SPATA6: variants seen among roughly 807,000 people sequenced by gnomAD.
SPATA6 encodes spermatogenesis-associated protein 6.
In SPATA6, 56 loss-of-function variants were observed where a neutral mutation model predicts 65.3. The observed-to-expected ratio is 0.86, with a 90% CI of 0.69 to 1.07. The LOEUF (loss-of-function observed/expected upper bound fraction) is 1.07, where lower values mean the gene tolerates loss of function less well. SPATA6 is among the 50% of genes least tolerant of loss of function. The pLI, the probability that SPATA6 is intolerant of heterozygous loss-of-function variation, is 0.00. For synonymous variants in SPATA6, 199 were observed against 213.2 expected (o/e 0.93, Z 0.58); for missense variants, 590 against 594.8 (o/e 0.99, Z 0.08).
intron 3 of SPATA6, among the ~76,000 whole-genome samples, chr1:48,414,148 C>G (rs935085781): frequency 6.6e-6 from 1 of 152,132 alleles, no homozygotes; most frequent in African/African-American, 2.4e-5. Context: ...AAGCTCAGTG[C>G]GGACAAGTGT....
At chr1:48,306,749 G>A (rs1645071260) in intron 11 of SPATA6, among the ~76,000 whole-genome samples, 1 of 151,880 alleles carries the variant, frequency 6.6e-6, no homozygotes, top group Non-Finnish European at 1.5e-5. Context: ...TTAAAAATTT[G>A]CTGATGGCAT....
chr1:48,436,852 C>T (rs1654988276), intron 3 of SPATA6: 2 of 1,612,486 alleles, frequency 1.2e-6, no homozygotes, highest in Non-Finnish European at 1.7e-6. Flanking sequence ...TATTTTCCCT[C>T]AATCAGAATC....
chr1:48,263,789 G>C, the SPATA6 span, among the ~76,000 whole-genome samples: 3 of 152,122 alleles, frequency 2.0e-5, no homozygotes, highest in African/African-American at 7.2e-5. Context: ...AAACTACGTT[G>C]AAAGTTCTGT....
At chr1:48,325,376 C>T (rs1645726394) in intron 11 of SPATA6, 2 of 1,381,412 alleles carry the variant, frequency 1.4e-6, no homozygotes, top group Non-Finnish European at 2.1e-6. Flanking sequence ...TGCGCCTTCT[C>T]CCTGATTCCT....
In SPATA6 at chr1:48,425,473, G is replaced by T. The variant is rs530469605; in HGVS notation, c.239-12322C>A. Among the ~76,000 whole-genome samples, 22 of 152,272 alleles carry T rather than the reference G, an allele frequency of 1.4e-4. No individual in the cohort carries two copies. The South Asian group carries it at 4.6e-3, about 32-fold the overall frequency. ...TGTATTCATAAGAGGAGTGTAGTTTGCTTTAGACACTTTAGTATACAAAGA... is the reference window on the plus strand; with the variant it reads ...TGTATTCATAAGAGGAGTGTAGTTTTCTTTAGACACTTTAGTATACAAAGA... On this transcript the variant is annotated intron_variant, in intron 3 of 12. Coordinates refer to ENST00000371847, the MANE Select transcript of SPATA6 (RefSeq NM_019073.4).
chr1:48,444,787 G>A (rs142845703), intron 3 of SPATA6, among the ~76,000 whole-genome samples: 270 of 152,194 alleles, frequency 1.8e-3, no homozygotes, highest in African/African-American at 6.3e-3. Context: ...CACTCACCAC[G>A]AAGGTCTGCA....
At chr1:48,466,867 G>T (rs1233169373) in intron 1 of SPATA6, among the ~76,000 whole-genome samples, 13 of 151,860 alleles carry the variant, frequency 8.6e-5, no homozygotes, top group Admixed American at 5.9e-4. Flanking sequence ...TTTCAGTTAG[G>T]TAATGAGATG....
At chr1:48,337,644 G>A (rs953696328) in intron 11 of SPATA6, among the ~76,000 whole-genome samples, 10 of 151,838 alleles carry the variant, frequency 6.6e-5, no homozygotes, top group Admixed American at 5.3e-4. Flanking sequence ...ATATCAATGC[G>A]TGAATGTAGG....
At chr1:48,350,695 G>C (rs1646492577) in intron 11 of SPATA6, among the ~76,000 whole-genome samples, 1 of 151,924 alleles carries the variant, frequency 6.6e-6, no homozygotes, top group Admixed American at 6.6e-5. Context: ...ATTTACGTGG[G>C]TCTATTTCTG....
chr1:48,450,150 T>C (rs1164040901), intron 3 of SPATA6, among the ~76,000 whole-genome samples: 5 of 151,826 alleles, frequency 3.3e-5, no homozygotes, highest in South Asian at 2.1e-4. Flanking sequence ...ATGGAAGTAA[T>C]TGGAGGATAG....
chr1:48,425,308 T>C (rs768614149), intron 3 of SPATA6, among the ~76,000 whole-genome samples: 212 of 152,292 alleles, frequency 1.4e-3, no homozygotes, highest in Non-Finnish European at 2.0e-3. Context: ...TGTAGGTGTA[T>C]GGATTTGTTT....
chr1:48,355,614 G>T, intron 11 of SPATA6, 56 bp downstream of exon 11: 3 of 1,227,276 alleles, frequency 2.4e-6, no homozygotes, highest in Non-Finnish European at 2.3e-6. Context: ...AGGCATCTTT[G>T]GTGGTTTTCT....
chr1:48,339,654 ACAG>A (rs1646154028), intron 11 of SPATA6, among the ~76,000 whole-genome samples: 1 of 152,034 alleles, frequency 6.6e-6, no homozygotes. Context: ...AATGAATTTA[ACAG>A]CAGATCAGAA....
rs2148628718 is a variant in SPATA6 at position 48,296,614 on chromosome 1, T to C, written c.*2099A>G. 6.6e-6 allele frequency: 1 copy of C among 152,324 alleles called. No homozygotes were observed. The highest frequency in any genetic ancestry group is 2.1e-4 in the South Asian group (1 of 4,832). The allele number at this position is 152,324 out of a possible 1,614,324, so 9.4% of individuals were successfully genotyped here. On this transcript the variant is annotated 3_prime_UTR_variant, in exon 13 of 13. Coordinates refer to ENST00000371847, the MANE Select transcript of SPATA6 (RefSeq NM_019073.4). Reference sequence around the variant, plus strand: ...CAAACAGCAACTCTTAAAAGAATTTTCACTTATTTTTCCATGGAAAAACAC... The same window carrying C: ...CAAACAGCAACTCTTAAAAGAATTTCCACTTATTTTTCCATGGAAAAACAC...
intron 3 of SPATA6, among the ~76,000 whole-genome samples, chr1:48,438,255 G>T (rs1174701772): frequency 6.6e-6 from 1 of 152,148 alleles, no homozygotes; most frequent in African/African-American, 2.4e-5. Context: ...ACCAACTCTG[G>T]ACACATCTTG....
At chr1:48,299,406 C>T (rs370957325) in intron 12 of SPATA6, among the ~76,000 whole-genome samples, 12 of 145,940 alleles carry the variant, frequency 8.2e-5, no homozygotes, top group Admixed American at 4.3e-4. Context: ...CCCAGCTACT[C>T]GGGAGGCTGA....
At chr1:48,371,270 TATAGATAGATAGATAGATAG>T (rs59198017) in intron 9 of SPATA6, among the ~76,000 whole-genome samples, 6 of 131,600 alleles carry the variant, frequency 4.6e-5, no homozygotes, top group African/African-American at 1.0e-4. Flanking sequence ...TATGTATCTA[TATAGATAGATAGATAGATAG>T]ATAGATAGAT....
intron 9 of SPATA6, among the ~76,000 whole-genome samples, chr1:48,367,404 T>A (rs900865176): frequency 6.6e-6 from 1 of 152,206 alleles, no homozygotes; most frequent in African/African-American, 2.4e-5. Flanking sequence ...GGTGTTAAAG[T>A]CTCCCATTAT....
At chr1:48,470,740 G>A (rs1298964182) in intron 1 of SPATA6, among the ~76,000 whole-genome samples, 2 of 152,272 alleles carry the variant, frequency 1.3e-5, no homozygotes, top group East Asian at 3.9e-4. Context: ...TGCAAGCACG[G>A]GTTAAGTGGA....
Sources: allele counts gnomAD v4.1 joint callset (sites outside exome capture counted in the v4.1 genomes callset), GRCh38; gene constraint gnomAD v4.1.1; transcripts MANE v1.5; gene names NCBI Gene and HGNC (gene_info 2026-07-23, HGNC 2026-07-21).